Variants in MTPAP observed in about 807,000 individuals in gnomAD.
The protein encoded by MTPAP is mitochondrial poly(A) polymerase.
In MTPAP, 23 loss-of-function variants were observed where a neutral mutation model predicts 48.7. The observed-to-expected ratio is 0.47, with a 90% confidence interval of 0.34 to 0.67. The LOEUF (loss-of-function observed/expected upper bound fraction) is 0.67. MTPAP is among the 30% of genes least tolerant of loss of function. MTPAP has a pLI of 0.01. For missense variants in MTPAP, 614 were observed against 694.3 expected (o/e 0.88, Z 1.30); for synonymous variants, 257 against 254.1 (o/e 1.01, Z -0.11).
Position 30,336,962 on chromosome 10 carries a change from T to A in MTPAP, c.621A>T (p.Arg207=). The stretch of plus-strand genomic sequence containing the variant: ...CTTCAATAAGAGAACAGGTGAGATA[T>A]CGGAGCTTAGTGTTCTCCTCTGTTA... The part of the protein sequence containing the change: ...FQLTEENTKL[R]YLTCSLIEDM... Residue 207 remains arginine, a synonymous_variant, in exon 4 of 9, where the codon CGA becomes CGT. Coordinates refer to ENST00000263063, the MANE Select transcript of MTPAP (RefSeq NM_018109.4). The A allele has an allele frequency of 6.2e-7, 1 of 1,613,666 alleles. No homozygotes were observed. Among genetic ancestry groups the A allele is most frequent in the Non-Finnish European group, 8.5e-7 (1 of 1,180,032 alleles).
chr10:30,328,986 G>A (rs937052468), intron 4 of MTPAP, among the ~76,000 whole-genome samples: 33 of 152,032 alleles, frequency 2.2e-4, no homozygotes, highest in Admixed American at 4.6e-4. Flanking sequence ...TGTGGTGGCT[G>A]TAATCCCAAC....
chr10:30,314,906 GAAGAGAAAAGA>G (rs1840643230), intron 8 of MTPAP, among the ~76,000 whole-genome samples: 2 of 62,854 alleles, frequency 3.2e-5, no homozygotes, highest in East Asian at 3.7e-4. Flanking sequence ...AAAAAAAAAA[GAAGAGAAAAGA>G]AAAAGAAAAG....
chr10:30,348,942 G>A, intron 1 of MTPAP, 177 bp downstream of exon 1: 1 of 824,432 alleles, frequency 1.2e-6, no homozygotes, highest in East Asian at 2.7e-5. Flanking sequence ...TTCTGCCTCA[G>A]CAACGGCGGC....
intron 4 of MTPAP, among the ~76,000 whole-genome samples, chr10:30,334,654 C>G (rs1834707782): frequency 6.6e-6 from 1 of 151,778 alleles, no homozygotes; most frequent in Non-Finnish European, 1.5e-5. Context: ...GAGTGAAGCT[C>G]CGTCTTAAAA....
rs1024193918 is a variant in MTPAP, at chr10:30,337,562, T to C, written c.556-535A>G. Among the ~76,000 whole-genome samples, 27 of 152,164 alleles carry C rather than the reference T, an allele frequency of 1.8e-4. 1 individual carries two copies. On this transcript the variant is annotated intron_variant, in intron 3 of 8. Transcript: ENST00000263063. ...TCAGCCTAAGCAACACAGCAGGACCTCGTCTCTATTTCACTAAAGAAATAA... is the reference window on the plus strand; with the variant it reads ...TCAGCCTAAGCAACACAGCAGGACCCCGTCTCTATTTCACTAAAGAAATAA...
chr10:30,321,623 A>G lies in MTPAP; in HGVS notation c.1219+768T>C, dbSNP rs1181939439. Among the ~76,000 whole-genome samples the G allele has an allele frequency of 2.6e-5, 4 of 152,234 alleles. No individual in the cohort carries two copies. The East Asian group carries it at 7.7e-4, about 29-fold the overall frequency. ...GCATGGAAAACTGGGCCGTGTCTAG[A>G]GAGCTAAAGATTTTAAACACCAAGC... On this transcript the variant is annotated intron_variant, in intron 6 of 8. Transcript: ENST00000263063.
chr10:30,328,583 T>C (rs1834626733), intron 4 of MTPAP, among the ~76,000 whole-genome samples: 1 of 152,204 alleles, frequency 6.6e-6, no homozygotes, highest in African/African-American at 2.4e-5. Flanking sequence ...CTAGAATTCA[T>C]TCCTCCTAAA....
rs994897963 is a variant in MTPAP, at chr10:30,315,595, G to T, written c.1386+368C>A. 1.4e-3 allele frequency among the ~76,000 whole-genome samples: 206 copies of T among 151,906 alleles called. 1 individual carries two copies. Among genetic ancestry groups the T allele is most frequent in the Non-Finnish European group, 6.3e-4 (43 of 67,986 alleles). ...GGGAATCACTGAAATCTATCTTTGG[G>T]ACTTAAGTTTATTCCATAGACACAA... On this transcript the variant is annotated intron_variant, in intron 8 of 8. Transcript: ENST00000263063.
At chr10:30,348,318 A>G (rs923200813) in intron 1 of MTPAP, among the ~76,000 whole-genome samples, 5 of 152,242 alleles carry the variant, frequency 3.3e-5, no homozygotes, top group Non-Finnish European at 7.3e-5. Context: ...GAATCGTAGA[A>G]GTCAATACAT....
chr10:30,320,386 A>G (rs915695190), intron 6 of MTPAP, among the ~76,000 whole-genome samples: 1 of 152,118 alleles, frequency 6.6e-6, no homozygotes, highest in Non-Finnish European at 1.5e-5. Context: ...TTAGCCAGGT[A>G]TGGTGGTGCA....
intron 3 of MTPAP, 26 bp downstream of exon 3, chr10:30,340,200 A>C: frequency 1.3e-6 from 2 of 1,545,830 alleles, no homozygotes; most frequent in East Asian, 4.5e-5. Context: ...ATAGTTCTAA[A>C]AGTTGAGGTA....
chr10:30,314,131 G>A (rs571568544), intron 8 of MTPAP, among the ~76,000 whole-genome samples, 160 bp from the exon 9 acceptor site: 1 of 151,904 alleles, frequency 6.6e-6, no homozygotes, highest in South Asian at 2.1e-4. Context: ...ATGCATGGTG[G>A]GTGTGTGTAC....
Position 30,315,943 on chromosome 10 carries a change from A to C in MTPAP, c.1386+20T>G. 1 of 1,560,902 alleles carries C rather than the reference A, an allele frequency of 6.4e-7. No individual in the cohort carries two copies. Among genetic ancestry groups the C allele is most frequent in the Non-Finnish European group, 8.8e-7 (1 of 1,139,122 alleles). Reference sequence around the variant, plus strand: ...GTGGAAGACCAGATACTAATAACTAAATAGTAAAACATTATTTACCTGTCG... The same window carrying C: ...GTGGAAGACCAGATACTAATAACTACATAGTAAAACATTATTTACCTGTCG... On this transcript the variant is annotated intron_variant, in intron 8 of 8. Transcript: ENST00000263063.
intron 3 of MTPAP, 200 bp downstream of exon 3, chr10:30,340,026 A>G: frequency 1.7e-6 from 1 of 595,838 alleles, no homozygotes; most frequent in Non-Finnish European, 3.0e-6. Context: ...ACATTCTTAG[A>G]AAGCTAGAAA....
chr10:30,337,538 C>A (rs544450307), intron 3 of MTPAP, among the ~76,000 whole-genome samples: 2 of 152,124 alleles, frequency 1.3e-5, no homozygotes, highest in African/African-American at 4.8e-5. Context: ...AGTTTGAGAT[C>A]AGCCTAAGCA....
intron 6 of MTPAP, among the ~76,000 whole-genome samples, chr10:30,320,432 A>G (rs1182584725): frequency 6.6e-6 from 1 of 152,154 alleles, no homozygotes; most frequent in African/African-American, 2.4e-5. Context: ...GGCTGAAGTG[A>G]GATTACGTGA....
At chr10:30,326,150 C>T (rs1834593296) in intron 5 of MTPAP, among the ~76,000 whole-genome samples, 1 of 152,120 alleles carries the variant, frequency 6.6e-6, no homozygotes, top group African/African-American at 2.4e-5. Flanking sequence ...CACTACCAGG[C>T]TGCACAAGTA....
Position 30,331,858 on chromosome 10 carries a change from C to T in MTPAP, c.780+4945G>A, listed in dbSNP as rs373261233. ...CTGGGATTACAGGCGTGAGCCACCACGCCTAGCTGTAAGTAACTTTTATTC... is the reference window on the plus strand; with the variant it reads ...CTGGGATTACAGGCGTGAGCCACCATGCCTAGCTGTAAGTAACTTTTATTC... On this transcript the variant is annotated intron_variant, in intron 4 of 8. Coordinates refer to ENST00000263063, the MANE Select transcript of MTPAP (RefSeq NM_018109.4). Among the ~76,000 whole-genome samples the T allele has an allele frequency of 1.5e-4, 23 of 152,338 alleles. No homozygotes were observed. In the East Asian group the frequency reaches 3.5e-3, roughly 23 times the overall value.
chr10:30,314,704 C>G lies in MTPAP; in HGVS notation c.1387-733G>C, dbSNP rs9665290. On this transcript the variant is annotated intron_variant, in intron 8 of 8. Transcript: ENST00000263063. ...CCTGACCAACATGGTGAAATCCCAT[C>G]TCTACTAAAAATACAAAACTAGCCA... is the stretch of plus-strand genomic sequence containing the variant. Among the ~76,000 whole-genome samples, 880 of 151,836 alleles carry G rather than the reference C, an allele frequency of 5.8e-3. 13 individuals are homozygous for G. Among genetic ancestry groups the G allele is most frequent in the African/African-American group, 0.02 (827 of 41,450 alleles).
Sources: gnomAD v4.1 joint callset for allele counts (sites outside exome capture counted in the v4.1 genomes callset) on GRCh38, gnomAD v4.1.1 for gene constraint, MANE v1.5 for transcripts, NCBI Gene and HGNC (gene_info 2026-07-23, HGNC 2026-07-21) for gene names.